The following CD44 variants were observed in gnomAD, a reference collection of about 807,000 sequenced individuals.
The protein encoded by CD44 is CD44 molecule (IN blood group).
A neutral mutation model predicts 88.8 loss-of-function variants in CD44; 49 were observed. The ratio of observed to expected loss-of-function variants is 0.55; its 90% CI spans 0.44 to 0.70. The LOEUF (loss-of-function observed/expected upper bound fraction) is 0.70. Ranked by LOEUF, CD44 falls within the 30% of genes least tolerant of loss-of-function variation. The pLI is 0.00. For synonymous variants in CD44, 325 were observed against 312.3 expected (o/e 1.04, Z -0.43); for missense variants, 883 against 913.8 (o/e 0.97, Z 0.43).
intron 1 of CD44, among the ~76,000 whole-genome samples, chr11:35,153,297 A>G (rs1226334856): frequency 1.3e-5 from 2 of 152,152 alleles, no homozygotes; most frequent in African/African-American, 2.4e-5. Flanking sequence ...AGGGTAATGG[A>G]TTTTTTAGTG....
At chr11:35,139,888 G>A (rs1857561223) in intron 1 of CD44, among the ~76,000 whole-genome samples, 1 of 152,338 alleles carries the variant, frequency 6.6e-6, no homozygotes, top group East Asian at 1.9e-4. Flanking sequence ...GGGGTCCTGG[G>A]TTCTCCCAGC....
Position 35,163,464 on chromosome 11 carries a change from A to G in CD44, c.68-13111A>G, listed in dbSNP as rs114136875. Among the ~76,000 whole-genome samples, 806 of 152,268 alleles carry G rather than the reference A, an allele frequency of 5.3e-3. 4 individuals carry two copies. Among genetic ancestry groups the G allele is most frequent in the African/African-American group, 0.018 (760 of 41,536 alleles). On this transcript the variant is annotated intron_variant, in intron 1 of 17. Coordinates refer to ENST00000428726, the MANE Select transcript of CD44 (RefSeq NM_000610.4). Reference sequence around the variant, plus strand: ...GAAAGGGGTAAAAAAGCATCAATCTATGGAGTATGCGAACCAGATGGCATC... The same window carrying G: ...GAAAGGGGTAAAAAAGCATCAATCTGTGGAGTATGCGAACCAGATGGCATC...
At chr11:35,191,415 G>A (rs1400890637) in intron 5 of CD44, among the ~76,000 whole-genome samples, 2 of 152,116 alleles carry the variant, frequency 1.3e-5, no homozygotes, top group African/African-American at 4.8e-5. Flanking sequence ...TTGGGTTATT[G>A]GCCCTCTTGA....
chr11:35,198,754 A>C (rs899129183), intron 7 of CD44, among the ~76,000 whole-genome samples: 1 of 152,066 alleles, frequency 6.6e-6, no homozygotes, highest in East Asian at 1.9e-4. Flanking sequence ...CGAGGCGGGC[A>C]GATGACGAGG....
chr11:35,165,759 G>GTTAT (rs1281640676), intron 1 of CD44, among the ~76,000 whole-genome samples: 1 of 152,128 alleles, frequency 6.6e-6, no homozygotes. Flanking sequence ...GTTATTCAAG[G>GTTAT]TCACATAATT....
rs576992645 is a variant in CD44, at chr11:35,224,855, A to G, written c.2024+3123A>G. 1.4e-4 allele frequency among the ~76,000 whole-genome samples: 22 copies of G among 152,318 alleles called. No homozygotes were observed. In the South Asian group the frequency reaches 4.6e-3, roughly 32 times the overall value. On this transcript the variant is annotated intron_variant, in intron 17 of 17. Coordinates refer to ENST00000428726, the MANE Select transcript of CD44 (RefSeq NM_000610.4). ...AAGCTGTTCATCAGCCTTCACTTTA[A>G]TGGGAATAATCGTCTTTTCTATAAA...
At chr11:35,165,534 C>G (rs755744982) in intron 1 of CD44, among the ~76,000 whole-genome samples, 28 of 152,310 alleles carry the variant, frequency 1.8e-4, no homozygotes, top group Non-Finnish European at 3.2e-4. Context: ...ATAGCAAAGC[C>G]TGATGTACTT....
chr11:35,218,984 C>T, intron 15 of CD44: 1 of 273,790 alleles, frequency 3.7e-6, no homozygotes, highest in South Asian at 6.7e-5. Flanking sequence ...GTAGATTGAC[C>T]CAGCACACAT....
At chr11:35,165,891 G>A (rs1470583483) in intron 1 of CD44, among the ~76,000 whole-genome samples, 2 of 152,088 alleles carry the variant, frequency 1.3e-5, no homozygotes, top group Non-Finnish European at 2.9e-5. Flanking sequence ...TATTACCTAT[G>A]AGTAACAGTT....
chr11:35,214,943 C>A (rs181566917), intron 15 of CD44, 29 bp downstream of exon 15: 1 of 1,425,582 alleles, frequency 7.0e-7, no homozygotes, highest in Non-Finnish European at 9.5e-7. Flanking sequence ...TAGTCATTTA[C>A]TGTTATAATC....
At chr11:35,168,508 G>A (rs1943544048) in intron 1 of CD44, among the ~76,000 whole-genome samples, 1 of 152,230 alleles carries the variant, frequency 6.6e-6, no homozygotes, top group Non-Finnish European at 1.5e-5. Flanking sequence ...AGTGCTCACT[G>A]TGGTTATGGA....
At chr11:35,195,768 G>GAA (rs1946681679) in intron 5 of CD44, among the ~76,000 whole-genome samples, 4 of 152,114 alleles carry the variant, frequency 2.6e-5, no homozygotes, top group African/African-American at 7.2e-5. Context: ...TTATTAGCAA[G>GAA]ATCATTGGGG....
At position 35,205,952 on chromosome 11, in the gene CD44, G is replaced by A. The variant is rs995345424; in HGVS notation, c.1283-160G>A. On this transcript the variant is annotated intron_variant, in intron 10 of 17. Coordinates refer to ENST00000428726, the MANE Select transcript of CD44 (RefSeq NM_000610.4). ...GAGCATGAGTGAACCCAAAGCTGCT[G>A]AAACATTCTGCGTTTATGCAACTTC... 1.1e-5 allele frequency: 14 copies of A among 1,279,892 alleles called. No homozygotes were observed. In the African/African-American group the frequency reaches 2.2e-4, roughly 20 times the overall value. 79.3% of individuals were successfully genotyped at this position (1,279,892 alleles called of 1,614,324 possible).
intron 1 of CD44, among the ~76,000 whole-genome samples, chr11:35,168,575 T>C (rs2133475883): frequency 6.6e-6 from 1 of 152,332 alleles, no homozygotes; most frequent in African/African-American, 2.4e-5. Context: ...TTTATTCTCA[T>C]CTTCATGATA....
intron 9 of CD44, among the ~76,000 whole-genome samples, chr11:35,203,818 T>C (rs1372674016): frequency 6.6e-6 from 1 of 152,224 alleles, no homozygotes; most frequent in Non-Finnish European, 1.5e-5. Flanking sequence ...TTTTGTCCTT[T>C]TTAAAATGAT....
chr11:35,221,803 G>T (rs1949325258), intron 17 of CD44, 71 bp downstream of exon 17: 2 of 1,351,892 alleles, frequency 1.5e-6, no homozygotes, highest in South Asian at 2.3e-5. Context: ...TATCCTTGCT[G>T]CTCAGAGCGT....
chr11:35,196,591 A>T (rs948599122), intron 5 of CD44, among the ~76,000 whole-genome samples, 155 bp from the exon 6 acceptor site: 8 of 152,160 alleles, frequency 5.3e-5, no homozygotes, highest in African/African-American at 1.9e-4. Flanking sequence ...CTCTGAAAAA[A>T]ATGGAACTTT....
chr11:35,182,755 T>C (rs1033969945), intron 3 of CD44, among the ~76,000 whole-genome samples: 3 of 152,238 alleles, frequency 2.0e-5, no homozygotes, highest in African/African-American at 7.2e-5. Flanking sequence ...CATGAGGCTA[T>C]ACACTCCTGA....
At chr11:35,194,020 T>G (rs745482370) in intron 5 of CD44, among the ~76,000 whole-genome samples, 1 of 152,190 alleles carries the variant, frequency 6.6e-6, no homozygotes, top group Non-Finnish European at 1.5e-5. Flanking sequence ...AAATACACAC[T>G]AGCAACCCAA....
Sources: allele counts gnomAD v4.1 joint callset (sites outside exome capture counted in the v4.1 genomes callset), GRCh38; gene constraint gnomAD v4.1.1; transcripts MANE v1.5; gene names NCBI Gene and HGNC (gene_info 2026-07-23, HGNC 2026-07-21).